The following RYR2 variants were observed in gnomAD, a reference collection of about 807,000 sequenced individuals.
RYR2 encodes the protein ryanodine receptor 2.
Under a neutral mutation model 601.1 loss-of-function variants are expected in RYR2, and 227 were observed. The observed-to-expected ratio is 0.38, with a 90% confidence interval of 0.34 to 0.42. The LOEUF (loss-of-function observed/expected upper bound fraction) is 0.42, where lower values mean the gene tolerates loss of function less well. Among genes scored for constraint, RYR2 ranks in the 10% least tolerant of loss-of-function variants. The pLI is 1.00. For missense variants in RYR2, 4,646 were observed against 6,156.5 expected, an observed-to-expected ratio of 0.75 and a Z score of 8.21; for synonymous variants, 2,223 against 2,175.1, an observed-to-expected ratio of 1.02 and a Z score of -0.61.
At position 237,731,877 on chromosome 1, in the gene RYR2, T is replaced by G. The variant is rs184080056; in HGVS notation, c.10936-169T>G. Among the ~76,000 whole-genome samples the G allele has an allele frequency of 1.7e-3, 189 of 112,382 alleles. 1 individual carries two copies. The highest frequency in any genetic ancestry group is 5.7e-3 in the African/African-American group (180 of 31,756). The allele number at this position is 112,382 out of a possible 152,430, so 73.7% of individuals were successfully genotyped here. A position where few individuals can be genotyped will look rare whatever the true frequency, so the allele number is the denominator to read the frequency against. ...CACATATATACATATATAGCATGTA[T>G]AATGCATATAAAATACACACACACA... On this transcript the variant is annotated intron_variant, in intron 77 of 104. Transcript: ENST00000366574.
At chr1:237,560,015 A>G (rs994894472) in intron 27 of RYR2, among the ~76,000 whole-genome samples, 5 of 152,234 alleles carry the variant, frequency 3.3e-5, no homozygotes, top group African/African-American at 9.6e-5. Context: ...ATGTGAGCAT[A>G]TTGGCACATG....
intron 74 of RYR2, among the ~76,000 whole-genome samples, chr1:237,724,823 A>C (rs2149133035): frequency 6.6e-6 from 1 of 152,242 alleles, no homozygotes; most frequent in African/African-American, 2.4e-5. Context: ...ATACATATAT[A>C]TAGATTTGCT....
At chr1:237,148,494 C>T (rs1674260435) in intron 1 of RYR2, among the ~76,000 whole-genome samples, 9 of 131,260 alleles carry the variant, frequency 6.9e-5, no homozygotes, top group African/African-American at 2.4e-4. Context: ...GCATTCTGCA[C>T]ATGTATCCCA....
At chr1:237,043,751 C>CAAAACAA (rs1660217117) in intron 1 of RYR2, among the ~76,000 whole-genome samples, 1 of 151,980 alleles carries the variant, frequency 6.6e-6, no homozygotes, top group Non-Finnish European at 1.5e-5. Context: ...AAAAACAAAA[C>CAAAACAA]AAAACAAAAC....
At chr1:237,451,157 G>A (rs955637698) in intron 14 of RYR2, among the ~76,000 whole-genome samples, 21 of 152,134 alleles carry the variant, frequency 1.4e-4, no homozygotes, top group Middle Eastern at 3.2e-3. Flanking sequence ...AGCACTTTGG[G>A]AGGCCAAGGT....
At chr1:237,142,116 G>T (rs1276884098) in intron 1 of RYR2, among the ~76,000 whole-genome samples, 2 of 152,164 alleles carry the variant, frequency 1.3e-5, no homozygotes, top group Non-Finnish European at 2.9e-5. Context: ...GCCTCCTTGG[G>T]TCTTTCTGAA....
rs746723128 is a variant in RYR2, at chr1:237,493,027, A to G, written c.1901A>G (p.Asp634Gly). ...AVRSNQHLIC[D>G]NLLPGRDLLL... ...CGTTCTAACCAGCATCTCATCTGTGACAATCTCCTACCAGGAAGAGACTTG... is the reference window on the plus strand; with the variant it reads ...CGTTCTAACCAGCATCTCATCTGTGGCAATCTCCTACCAGGAAGAGACTTG... The change falls in exon 19 of 105, where the codon GAC (aspartate) becomes GGC (glycine). Residue 634 changes from aspartate (D) to glycine (G), a missense_variant. Physicochemically the swap from Asp to Gly is moderately conservative, Grantham distance 94 (BLOSUM62 -1). Coordinates refer to ENST00000366574, the MANE Select transcript of RYR2 (RefSeq NM_001035.3). The G allele has an allele frequency of 1.2e-6, 2 of 1,612,832 alleles. No homozygotes were observed. Among genetic ancestry groups the G allele is most frequent in the Non-Finnish European group, 1.7e-6 (2 of 1,179,464 alleles).
In RYR2 at chr1:237,556,072, A is replaced by G. The variant is rs533656300; in HGVS notation, c.3214+5381A>G. Among the ~76,000 whole-genome samples, 12 of 152,262 alleles carry G rather than the reference A, an allele frequency of 7.9e-5. No individual in the cohort carries two copies. In the East Asian group the frequency reaches 2.1e-3, roughly 27 times the overall value. The stretch of plus-strand genomic sequence containing the variant: ...TTAAGAAGTTATTCTGATGACATAC[A>G]GTGTTTTATACTATTTGTAGCTAAT... On this transcript the variant is annotated intron_variant, in intron 27 of 104. Coordinates refer to ENST00000366574, the MANE Select transcript of RYR2 (RefSeq NM_001035.3).
chr1:237,127,959 T>A (rs866142973), intron 1 of RYR2, among the ~76,000 whole-genome samples: 1 of 151,088 alleles, frequency 6.6e-6, no homozygotes, highest in African/African-American at 2.4e-5. Context: ...CAGGCAGAGA[T>A]GCTCCTCACT....
chr1:237,741,288 G>C (rs1192387294), intron 79 of RYR2, among the ~76,000 whole-genome samples: 1 of 152,140 alleles, frequency 6.6e-6, no homozygotes, highest in East Asian at 1.9e-4. Flanking sequence ...GGGTCACATT[G>C]TTTACCTTCC....
chr1:237,805,864 G>C lies in RYR2; in HGVS notation c.14152-273G>C, dbSNP rs79411504. ...TGTGACCTGCCGTCATCCTACAGCG[G>C]TATAGAACCCCAGAACTTATTTTTT... On this transcript the variant is annotated intron_variant, in intron 98 of 104. Transcript: ENST00000366574. Among the ~76,000 whole-genome samples the C allele has an allele frequency of 0.02, 3,031 of 152,126 alleles. 98 individuals carry two copies. Among genetic ancestry groups the C allele is most frequent in the African/African-American group, 0.07 (2,890 of 41,498 alleles).
At chr1:237,502,994 G>C (rs1254828926) in intron 21 of RYR2, among the ~76,000 whole-genome samples, 1 of 152,078 alleles carries the variant, frequency 6.6e-6, no homozygotes, top group African/African-American at 2.4e-5. Context: ...CTTCATTCCC[G>C]TAAGAATGTG....
At chr1:237,465,709 C>A (rs368108599) in intron 16 of RYR2, among the ~76,000 whole-genome samples, 1 of 152,078 alleles carries the variant, frequency 6.6e-6, no homozygotes, top group East Asian at 1.9e-4. Context: ...GCCTACTGCG[C>A]GTCTACGCTA....
chr1:237,388,413 A>G (rs188569008), intron 10 of RYR2, among the ~76,000 whole-genome samples: 50 of 152,352 alleles, frequency 3.3e-4, no homozygotes, highest in East Asian at 2.5e-3. Flanking sequence ...ATTAAAACAT[A>G]TTAAGAAACA....
intron 2 of RYR2, among the ~76,000 whole-genome samples, chr1:237,327,372 AAATTCATTTGACAGGATT>A (rs1395718581): frequency 6.6e-6 from 1 of 152,218 alleles, no homozygotes. Flanking sequence ...TGGAAAAATA[AAATTCATTTGACAGGATT>A]AATTCATTTG....
chr1:237,188,616 A>T (rs1679625564), intron 1 of RYR2, among the ~76,000 whole-genome samples: 1 of 151,888 alleles, frequency 6.6e-6, no homozygotes, highest in Admixed American at 6.6e-5. Flanking sequence ...CCCAGGCTGG[A>T]GTGCAGTGGC....
chr1:237,425,195 G>C (rs1336231989), intron 12 of RYR2, among the ~76,000 whole-genome samples: 2 of 152,082 alleles, frequency 1.3e-5, no homozygotes, highest in Non-Finnish European at 1.5e-5. Flanking sequence ...AAAAAAGTAG[G>C]AGTAAGAACT....
intron 90 of RYR2, among the ~76,000 whole-genome samples, 169 bp from the exon 91 acceptor site, chr1:237,785,800 G>A (rs1003964911): frequency 3.9e-5 from 6 of 152,148 alleles, no homozygotes; most frequent in East Asian, 3.9e-4. Context: ...CAGAAGAAGC[G>A]GGAGATGTTT....
At chr1:237,640,429 G>A (rs887111465) in intron 46 of RYR2, among the ~76,000 whole-genome samples, 5 of 152,238 alleles carry the variant, frequency 3.3e-5, no homozygotes, top group Admixed American at 3.3e-4. Flanking sequence ...AGGTAGGTGA[G>A]CAAGTGCAAT....
Sources: allele counts gnomAD v4.1 joint callset (sites outside exome capture counted in the v4.1 genomes callset), GRCh38; gene constraint gnomAD v4.1.1; transcripts MANE v1.5; gene names NCBI Gene and HGNC (gene_info 2026-07-23, HGNC 2026-07-21).